Variants in EVL observed in about 807,000 individuals in gnomAD.
The protein encoded by EVL is Enah/Vasp-like, also known as ena/VASP-like protein.
Under a neutral mutation model 59.6 loss-of-function variants are expected in EVL, and 21 were observed. The observed-to-expected ratio is 0.35, with a 90% CI of 0.25 to 0.51. The LOEUF is 0.51. EVL is among the 20% of genes least tolerant of loss of function. The pLI is 0.97. For synonymous variants in EVL, 198 were observed against 203.5 expected, an observed-to-expected ratio of 0.97 and a Z score of 0.23; for missense variants, 462 against 546.6, an observed-to-expected ratio of 0.85 and a Z score of 1.54.
rs2060742710 is a variant in EVL at position 99,972,686 on chromosome 14, T to C, written c.5+629T>C. ...TGTATCACCCAGCTCGGGAGCCTGC[T>C]GATTATCAGGCCAAGAAATAAAACC... On this transcript the variant is annotated intron_variant, in intron 1 of 13. Transcript: ENST00000402714. This position sits in a 1 kb window ranked among gnomAD's most constrained non-coding sequence, Gnocchi z 4.4. 6.6e-6 allele frequency among the ~76,000 whole-genome samples: 1 copy of C among 152,162 alleles called. No homozygotes were observed. The highest frequency in any genetic ancestry group is 1.5e-5 in the Non-Finnish European group (1 of 68,026).
At chr14:100,121,338 A>G (rs1014543064) in intron 3 of EVL, among the ~76,000 whole-genome samples, 2 of 152,176 alleles carry the variant, frequency 1.3e-5, no homozygotes, top group African/African-American at 4.8e-5. Flanking sequence ...GGCCAGGAGT[A>G]AGGGGGCGAT....
At chr14:100,063,712 C>G (rs927602808), upstream of EVL, among the ~76,000 whole-genome samples, 1 of 152,166 alleles carries the variant, frequency 6.6e-6, no homozygotes, top group Non-Finnish European at 1.5e-5. Context: ...CCACCATGAC[C>G]TAATTGACAT....
chr14:100,069,242 G>T (rs2061999155), intron 1 of EVL, among the ~76,000 whole-genome samples: 1 of 152,282 alleles, frequency 6.6e-6, no homozygotes, highest in South Asian at 2.1e-4. Flanking sequence ...TCCTGGTGTG[G>T]CATGTTAGAG....
chr14:100,116,403 C>T (rs996360054), intron 3 of EVL, among the ~76,000 whole-genome samples: 3 of 152,200 alleles, frequency 2.0e-5, no homozygotes, highest in African/African-American at 7.2e-5. Flanking sequence ...CTGACATCTC[C>T]GGTTCTATCT....
chr14:99,996,660 C>CT (rs1456147440), intron 1 of EVL, among the ~76,000 whole-genome samples: 14 of 151,060 alleles, frequency 9.3e-5, no homozygotes, highest in East Asian at 7.7e-4. Flanking sequence ...CCCCTTCCCC[C>CT]TTTTTTTTTG....
chr14:99,972,408 G>A lies in EVL; in HGVS notation c.5+351G>A, dbSNP rs1343567712. ...CCGCGGGCAGGTGTGGCCGTGTCCC[G>A]ACCGCGCGAGGACCGAAGTTGGCGG... is the stretch of plus-strand genomic sequence containing the variant. On this transcript the variant is annotated intron_variant, in intron 1 of 13. Transcript: ENST00000402714. The surrounding 1 kb of genome is among the most constrained non-coding windows in gnomAD (Gnocchi z 4.4). Among the ~76,000 whole-genome samples, 1 of 152,090 alleles carries A rather than the reference G, an allele frequency of 6.6e-6. No individual in the cohort carries two copies. The highest frequency in any genetic ancestry group is 2.1e-4 in the South Asian group (1 of 4,834).
rs911730231 is a variant in EVL at position 100,049,320 on chromosome 14, G to T, written c.6-35367G>T. On this transcript the variant is annotated intron_variant, in intron 1 of 13. Coordinates refer to the EVL transcript ENST00000402714. ...CAAGTTCATAGGCTTGCCTCAAAGC[G>T]TGTGAGTGTAGTTCAAGTTCAAGGA... Among the ~76,000 whole-genome samples, 4 of 152,214 alleles carry T rather than the reference G, an allele frequency of 2.6e-5. 1 individual carries two copies. Among genetic ancestry groups the T allele is most frequent in the South Asian group, 4.1e-4 (2 of 4,834 alleles).
exon 1 of EVL, chr14:99,971,755 C>T (rs2060733826): frequency 6.9e-6 from 1 of 143,942 alleles, no homozygotes; most frequent in African/African-American, 2.5e-5. Context: ...CCCCATCCCC[C>T]GGCGGCGGCC....
At chr14:100,091,763 C>G (rs529976289) in intron 2 of EVL, among the ~76,000 whole-genome samples, 2 of 152,282 alleles carry the variant, frequency 1.3e-5, no homozygotes, top group Non-Finnish European at 1.5e-5. Flanking sequence ...GCCCGTGGGT[C>G]GGAAGCACAA....
rs573821233 is a variant in EVL at position 100,134,551 on chromosome 14, G to A, written c.901-1354G>A. On this transcript the variant is annotated intron_variant, in intron 8 of 13. Coordinates refer to ENST00000392920, the MANE Select transcript of EVL (RefSeq NM_016337.3). ...GCGTCTAAAGAGAGCAGGGCCTTCA[G>A]AAGATCCACACACCACACAAGTGCA... 3 of 152,210 alleles carry A rather than the reference G, an allele frequency of 2.0e-5. No homozygotes were observed. In the South Asian group the frequency reaches 6.2e-4, roughly 32 times the overall value. The allele number at this position is 152,210 out of a possible 1,614,324, so 9.4% of individuals were successfully genotyped here.
intron 1 of EVL, among the ~76,000 whole-genome samples, chr14:100,010,787 T>C (rs2061012002): frequency 6.6e-6 from 1 of 152,228 alleles, no homozygotes; most frequent in African/African-American, 2.4e-5. Flanking sequence ...GTGACAGGGA[T>C]GGGTTTGTGA....
chr14:100,039,592 A>T (rs2061437059), intron 1 of EVL, among the ~76,000 whole-genome samples: 1 of 152,240 alleles, frequency 6.6e-6, no homozygotes, highest in Non-Finnish European at 1.5e-5. Flanking sequence ...GACACATAAT[A>T]TGGGTAAAAT....
chr14:100,103,960 G>A (rs534382225), intron 3 of EVL, among the ~76,000 whole-genome samples: 8 of 152,332 alleles, frequency 5.3e-5, no homozygotes, highest in South Asian at 2.1e-4. Context: ...AGGAGGGTGC[G>A]TGTGAGCGTG....
chr14:100,125,073 G>A (rs1399477973), intron 4 of EVL, among the ~76,000 whole-genome samples: 1 of 142,416 alleles, frequency 7.0e-6, no homozygotes, highest in Non-Finnish European at 1.5e-5. Context: ...CCTGCTCCAC[G>A]GTGGGACCAC....
At chr14:100,006,786 T>C (rs570059134) in intron 1 of EVL, among the ~76,000 whole-genome samples, 19 of 149,596 alleles carry the variant, frequency 1.3e-4, no homozygotes, top group African/African-American at 4.8e-4. Context: ...ACTTGCCTTC[T>C]TTGTGTTGGA....
chr14:100,020,972 A>G (rs1346564973), intron 1 of EVL, among the ~76,000 whole-genome samples: 3 of 152,228 alleles, frequency 2.0e-5, no homozygotes, highest in African/African-American at 7.2e-5. Flanking sequence ...GCCCCATTAG[A>G]TGACTAACAA....
At chr14:100,011,740 G>GT (rs986577551) in intron 1 of EVL, among the ~76,000 whole-genome samples, 1 of 152,178 alleles carries the variant, frequency 6.6e-6, no homozygotes, top group African/African-American at 2.4e-5. Context: ...CACGTGGATA[G>GT]TAAGTTGCTC....
In EVL at chr14:99,976,202, TTATTTATTTA is replaced by T. The variant is rs2060769294; in HGVS notation, c.5+4147_5+4156del. On this transcript the variant is annotated intron_variant, in intron 1 of 13. Transcript: ENST00000402714. ...AGCTTTTATTTATTTATTTATTTAT[TTATTTATTTA>T]TTTATTTATTTAAGTGACAGGGTCT... Among the ~76,000 whole-genome samples the T allele has an allele frequency of 2.0e-5, 3 of 150,688 alleles. No homozygotes were observed. The South Asian group carries it at 6.3e-4, about 31-fold the overall frequency.
At chr14:100,137,991 TGAGA>T in intron 11 of EVL, 189 bp downstream of exon 11, 1 of 624,202 alleles carries the variant, frequency 1.6e-6, no homozygotes, top group Non-Finnish European at 2.8e-6. Flanking sequence ...CTTTTCCCTC[TGAGA>T]GAGAGACCAA....
Sources: allele counts gnomAD v4.1 joint callset (sites outside exome capture counted in the v4.1 genomes callset), GRCh38; gene constraint gnomAD v4.1.1; non-coding constraint Gnocchi (gnomAD v3.1); transcripts MANE v1.5; gene names NCBI Gene and HGNC (gene_info 2026-07-23, HGNC 2026-07-21).